AGMO: variants seen among roughly 807,000 people sequenced by gnomAD.
AGMO encodes the protein glyceryl-ether monooxygenase.
In AGMO, 75 loss-of-function variants were observed where a neutral mutation model predicts 60.2. The observed-to-expected ratio is 1.25, with a 90% CI of 1.03 to 1.51. The LOEUF (loss-of-function observed/expected upper bound fraction) is 1.51, where lower values mean the gene tolerates loss of function less well. Ranked by LOEUF, AGMO falls within the 40% of genes most tolerant of loss-of-function variation. The probability of loss-of-function intolerance (pLI) is 0.00; values close to 1 mark genes in which losing one functional copy is unlikely to be tolerated. For missense variants in AGMO, 763 were observed against 525.5 expected, an observed-to-expected ratio of 1.45 and a Z score of -4.42; for synonymous variants, 261 against 177.1, an observed-to-expected ratio of 1.47 and a Z score of -3.76.
intron 12 of AGMO, among the ~76,000 whole-genome samples, chr7:15,361,006 C>T (rs1782729668): frequency 1.3e-5 from 2 of 152,194 alleles, no homozygotes; most frequent in South Asian, 4.2e-4. Flanking sequence ...TGATGCCAGC[C>T]AGCTATAGCT....
At chr7:15,337,564 A>C (rs1781700594) in intron 12 of AGMO, among the ~76,000 whole-genome samples, 1 of 152,178 alleles carries the variant, frequency 6.6e-6, no homozygotes, top group Admixed American at 6.5e-5. Flanking sequence ...AACTGATTAA[A>C]TCTACCACTA....
chr7:15,553,469 GCA>G (rs1785033889), intron 2 of AGMO, among the ~76,000 whole-genome samples: 1 of 151,966 alleles, frequency 6.6e-6, no homozygotes, highest in Non-Finnish European at 1.5e-5. Context: ...ATGGATTCAG[GCA>G]GTCATTCAAT....
At chr7:15,300,843 G>C (rs1222113863) in intron 12 of AGMO, among the ~76,000 whole-genome samples, 2 of 152,056 alleles carry the variant, frequency 1.3e-5, no homozygotes, top group Non-Finnish European at 2.9e-5. Context: ...ACAACAGCAA[G>C]CACTCTCTCC....
At chr7:15,385,650 T>C (rs1562477264) in intron 9 of AGMO, 88 bp from the exon 10 acceptor site, 5 of 760,484 alleles carry the variant, frequency 6.6e-6, no homozygotes, top group Non-Finnish European at 1.1e-5. Flanking sequence ...GAAAAAAGTA[T>C]CTGCTATTTT....
chr7:15,309,808 GATC>G (rs1780717179), intron 12 of AGMO, among the ~76,000 whole-genome samples: 3 of 152,012 alleles, frequency 2.0e-5, no homozygotes. Context: ...CTCAATCAAA[GATC>G]ATTATGCCAT....
the AGMO span, among the ~76,000 whole-genome samples, chr7:15,126,260 T>C: frequency 1.3e-5 from 2 of 152,102 alleles, no homozygotes; most frequent in African/African-American, 2.4e-5. Context: ...GCTAACATTA[T>C]CTTAGTAACA....
At chr7:15,395,002 A>G (rs978465301) in intron 5 of AGMO, among the ~76,000 whole-genome samples, 1 of 152,212 alleles carries the variant, frequency 6.6e-6, no homozygotes, top group Non-Finnish European at 1.5e-5. Context: ...TGTCATGAAA[A>G]AAGTATAGCA....
the AGMO span, among the ~76,000 whole-genome samples, chr7:15,120,942 A>C: frequency 6.6e-6 from 1 of 151,942 alleles, no homozygotes; most frequent in Non-Finnish European, 1.5e-5. Flanking sequence ...TGCATGCATT[A>C]GGTATTTGTC....
intron 3 of AGMO, among the ~76,000 whole-genome samples, chr7:15,442,080 G>T (rs919952034): frequency 6.6e-6 from 1 of 152,158 alleles, no homozygotes; most frequent in Non-Finnish European, 1.5e-5. Context: ...CAAGGAATAA[G>T]GCTGTGTGTC....
At chr7:15,463,799 T>C (rs1014508117) in intron 3 of AGMO, among the ~76,000 whole-genome samples, 1 of 152,186 alleles carries the variant, frequency 6.6e-6, no homozygotes, top group African/African-American at 2.4e-5. Context: ...AGTGATGAAA[T>C]TACAGTTTGA....
At chr7:15,197,337 C>T (rs889929772), downstream of AGMO, among the ~76,000 whole-genome samples, 2 of 151,860 alleles carry the variant, frequency 1.3e-5, no homozygotes, top group Non-Finnish European at 2.9e-5. Flanking sequence ...ATTGCAGATT[C>T]CACACTGAGG....
chr7:15,210,197 A>T (rs915281056), intron 12 of AGMO, among the ~76,000 whole-genome samples: 1 of 152,140 alleles, frequency 6.6e-6, no homozygotes, highest in Non-Finnish European at 1.5e-5. Flanking sequence ...GTGTGCACTT[A>T]ATTTGATTGA....
chr7:15,550,524 G>A (rs1784921463), intron 2 of AGMO, among the ~76,000 whole-genome samples: 1 of 152,026 alleles, frequency 6.6e-6, no homozygotes, highest in African/African-American at 2.4e-5. Context: ...TACCATCAGA[G>A]AATACTACAA....
Position 15,394,150 on chromosome 7 carries a change from C to A in AGMO, c.639G>T (p.Leu213=). ...TATGATGGCTAGGAGTATTAAGAAT[C>A]AGTTCCAAAGGACCAAGGTTATTGA... ...EVINNLGPLE[L]ILNTPSHHRV... is the part of the protein sequence containing the mutation. The change falls in exon 6 of 13, where the codon CTG becomes CTT. Residue 213 remains leucine, a synonymous_variant. Transcript: ENST00000342526. 1 of 1,612,334 alleles carries A rather than the reference C, an allele frequency of 6.2e-7. No individual in the cohort carries two copies. The highest frequency in any genetic ancestry group is 8.5e-7 in the Non-Finnish European group (1 of 1,178,650).
chr7:15,178,469 G>C, the AGMO span, among the ~76,000 whole-genome samples: 10 of 152,136 alleles, frequency 6.6e-5, no homozygotes, highest in Non-Finnish European at 1.3e-4. Flanking sequence ...GAATCTAGTG[G>C]TGATGTGTCT....
chr7:15,521,411 T>C (rs1783981730), intron 3 of AGMO, among the ~76,000 whole-genome samples: 1 of 152,024 alleles, frequency 6.6e-6, no homozygotes, highest in South Asian at 2.1e-4. Context: ...AAATTTCAGG[T>C]CAATATCCCT....
chr7:15,371,442 G>C (rs898383426), intron 10 of AGMO, among the ~76,000 whole-genome samples: 10 of 151,806 alleles, frequency 6.6e-5, no homozygotes, highest in African/African-American at 7.2e-5. Flanking sequence ...CCAGGCTGGA[G>C]TGCAATGGCG....
chr7:15,346,249 CTACAT>C (rs1196523310), intron 12 of AGMO, among the ~76,000 whole-genome samples: 2 of 152,076 alleles, frequency 1.3e-5, no homozygotes, highest in Non-Finnish European at 2.9e-5. Flanking sequence ...TACATGGACT[CTACAT>C]TAAGATAAAC....
chr7:15,385,387 C>T, intron 10 of AGMO, 59 bp downstream of exon 10: 1 of 1,197,282 alleles, frequency 8.4e-7, no homozygotes, highest in Non-Finnish European at 1.2e-6. Context: ...AGCTTATTTT[C>T]ATTTTCAAAC....
Sources: allele counts gnomAD v4.1 joint callset (sites outside exome capture counted in the v4.1 genomes callset), GRCh38; gene constraint gnomAD v4.1.1; transcripts MANE v1.5; gene names NCBI Gene and HGNC (gene_info 2026-07-23, HGNC 2026-07-21).